The following ME1 variants were observed in gnomAD, a reference collection of about 807,000 sequenced individuals.
ME1 encodes the protein NADP-dependent malic enzyme.
A neutral mutation model predicts 66.4 loss-of-function variants in ME1; 74 were observed. The ratio of observed to expected loss-of-function variants is 1.11; its 90% CI spans 0.92 to 1.35. The LOEUF (loss-of-function observed/expected upper bound fraction) is 1.35. Among genes scored for constraint, ME1 ranks in the 40% most tolerant of loss-of-function variants. ME1 has a pLI of 0.00. For missense variants in ME1, 750 were observed against 694.1 expected (o/e 1.08, Z -0.90); for synonymous variants, 251 against 235.6 (o/e 1.07, Z -0.60).
chr6:83,409,376 G>T (rs1583422453), intron 1 of ME1, among the ~76,000 whole-genome samples: 2 of 152,246 alleles, frequency 1.3e-5, no homozygotes, highest in African/African-American at 4.8e-5. Context: ...AAAGCTTCTT[G>T]CAATGACAGA....
At position 83,223,880 on chromosome 6, in the gene ME1, A is replaced by G; in HGVS notation, c.1329T>C (p.Asn443=). The G allele has an allele frequency of 1.2e-6, 2 of 1,614,074 alleles. No homozygotes were observed. Among genetic ancestry groups the G allele is most frequent in the South Asian group, 2.2e-5 (2 of 91,072 alleles). The change falls in exon 12 of 14, where the codon AAT becomes AAC. Residue 443 remains asparagine, a synonymous_variant. Transcript: ENST00000369705. ...GSPFDPVTLP[N]GQTLYPGQGN... ...CTTGGCCAGGATATAGGGTCTGTCC[A>G]TTTGGAAGAGTGACTGGATCAAAAG...
intron 9 of ME1, among the ~76,000 whole-genome samples, chr6:83,237,274 A>AGAGAAAGAAAGAAAGAAAGGAAG (rs1790423768): frequency 8.4e-5 from 7 of 83,700 alleles, no homozygotes; most frequent in African/African-American, 3.8e-4. Flanking sequence ...AAAGAAAGAA[A>AGAGAAAGAAAGAAAGAAAGGAAG]GAAAGGAAGG....
chr6:83,388,274 C>T (rs1421036791), intron 3 of ME1, among the ~76,000 whole-genome samples: 4 of 151,912 alleles, frequency 2.6e-5, no homozygotes, highest in African/African-American at 7.3e-5. Context: ...TCTGTAAAGA[C>T]GGGGTTTCAC....
In ME1 at chr6:83,231,413, G is replaced by A. The variant is rs928471958; in HGVS notation, c.1027-2482C>T. Among the ~76,000 whole-genome samples the A allele has an allele frequency of 2.0e-5, 3 of 152,066 alleles. No individual in the cohort carries two copies. In the East Asian group the frequency reaches 5.8e-4, roughly 29 times the overall value. ...ATGCTGAAAAAAGTCCAGGAATCAC[G>A]AAATGGTAATACTAGCAATACTGAA... On this transcript the variant is annotated intron_variant, in intron 9 of 13. Transcript: ENST00000369705.
At chr6:83,246,463 A>G (rs1185695864) in intron 7 of ME1, among the ~76,000 whole-genome samples, 3 of 152,130 alleles carry the variant, frequency 2.0e-5, no homozygotes, top group African/African-American at 7.2e-5. Flanking sequence ...ATTTTAATTT[A>G]CAAAAAATAC....
chr6:83,229,066 TC>T, intron 9 of ME1, 135 bp from the exon 10 acceptor site: 2 of 641,456 alleles, frequency 3.1e-6, no homozygotes. Context: ...TAAAATCTCT[TC>T]TTCAATTGTC....
chr6:83,281,855 G>GAAA (rs1301482507), intron 6 of ME1, among the ~76,000 whole-genome samples: 2 of 45,352 alleles, frequency 4.4e-5, no homozygotes, highest in African/African-American at 9.0e-5. Context: ...ACAAAAAAGA[G>GAAA]AAAAAAAAAA....
At chr6:83,353,574 GT>G (rs1768838435) in intron 3 of ME1, among the ~76,000 whole-genome samples, 1 of 151,602 alleles carries the variant, frequency 6.6e-6, no homozygotes, top group South Asian at 2.1e-4. Flanking sequence ...TGTGTGTGTG[GT>G]TTTGTTTTTG....
chr6:83,251,663 T>C (rs1790727427), intron 7 of ME1, among the ~76,000 whole-genome samples: 1 of 152,092 alleles, frequency 6.6e-6, no homozygotes, highest in Non-Finnish European at 1.5e-5. Flanking sequence ...GAAGAAAGGG[T>C]ATTCTAGGAT....
chr6:83,424,716 AT>A (rs1562010882), intron 1 of ME1, among the ~76,000 whole-genome samples: 2 of 152,204 alleles, frequency 1.3e-5, no homozygotes, highest in African/African-American at 2.4e-5. Flanking sequence ...GAAGTATATC[AT>A]TAGTTTGCTA....
At chr6:83,400,334 A>G (rs936724409) in intron 2 of ME1, among the ~76,000 whole-genome samples, 2 of 152,148 alleles carry the variant, frequency 1.3e-5, no homozygotes, top group Non-Finnish European at 2.9e-5. Context: ...TGTTTCCACC[A>G]TGATTGTAAG....
intron 3 of ME1, among the ~76,000 whole-genome samples, chr6:83,359,145 C>T (rs1768956836): frequency 6.6e-6 from 1 of 151,512 alleles, no homozygotes; most frequent in African/African-American, 2.4e-5. Flanking sequence ...AGAGGCACTC[C>T]TCACTTCCCA....
chr6:83,325,948 C>CAAAAAAAAA (rs199839173), intron 5 of ME1, among the ~76,000 whole-genome samples: 2 of 120,818 alleles, frequency 1.7e-5, no homozygotes, highest in Non-Finnish European at 3.5e-5. Context: ...ACGAAGCAAA[C>CAAAAAAAAA]AAAAAAAAAA....
chr6:83,268,962 A>G (rs547036164), intron 6 of ME1, among the ~76,000 whole-genome samples: 1 of 152,158 alleles, frequency 6.6e-6, no homozygotes, highest in South Asian at 2.1e-4. Flanking sequence ...GATTCACTAA[A>G]TATTAGTTAT....
intron 5 of ME1, among the ~76,000 whole-genome samples, chr6:83,325,270 C>A (rs999072508): frequency 6.6e-6 from 1 of 152,148 alleles, no homozygotes; most frequent in Non-Finnish European, 1.5e-5. Context: ...ACTGAATGGA[C>A]AAAAGCTGGA....
At chr6:83,250,136 T>A (rs1312254093) in intron 7 of ME1, among the ~76,000 whole-genome samples, 1 of 152,066 alleles carries the variant, frequency 6.6e-6, no homozygotes, top group Non-Finnish European at 1.5e-5. Flanking sequence ...TGTTTCATAG[T>A]CCGTTGGCTC....
intron 7 of ME1, among the ~76,000 whole-genome samples, chr6:83,248,901 TTTCTATAGCTCACAA>T (rs1425542543): frequency 1.3e-4 from 20 of 152,224 alleles, no homozygotes; most frequent in Non-Finnish European, 2.9e-4. Context: ...TCAGGCCATC[TTTCTATAGCTCACAA>T]TTCTTAACAC....
intron 6 of ME1, among the ~76,000 whole-genome samples, chr6:83,306,515 A>G (rs1465616438): frequency 6.6e-6 from 1 of 152,142 alleles, no homozygotes; most frequent in East Asian, 1.9e-4. Context: ...GAATTTATTA[A>G]AATGTTTCTT....
In ME1 at chr6:83,216,375, C is replaced by T. The variant is rs1562448846; in HGVS notation, c.1548+123G>A. On this transcript the variant is annotated intron_variant, in intron 13 of 13. Transcript: ENST00000369705. Reference sequence around the variant, plus strand: ...GTGTCAGTGTGCCTCATTTCTCTGACTTCTGACATAGTAAGTTGATACAGA... The same window carrying T: ...GTGTCAGTGTGCCTCATTTCTCTGATTTCTGACATAGTAAGTTGATACAGA... 5.4e-6 allele frequency: 4 copies of T among 738,550 alleles called. No homozygotes were observed. In the East Asian group the frequency reaches 1.0e-4, roughly 19 times the overall value. 45.7% of individuals were successfully genotyped at this position (738,550 alleles called of 1,614,324 possible). A position where few individuals can be genotyped will look rare whatever the true frequency, so the allele number is the denominator to read the frequency against.
Sources: gnomAD v4.1 joint callset for allele counts (sites outside exome capture counted in the v4.1 genomes callset) on GRCh38, gnomAD v4.1.1 for gene constraint, MANE v1.5 for transcripts, NCBI Gene and HGNC (gene_info 2026-07-23, HGNC 2026-07-21) for gene names.